The following DPYSL3 variants were observed in gnomAD, a reference collection of about 807,000 sequenced individuals.
The protein encoded by DPYSL3 is dihydropyrimidinase like 3.
DPYSL3 carries 16 observed loss-of-function variants against 66.1 expected under a neutral mutation model. The observed-to-expected ratio is 0.24, with a 90% CI of 0.16 to 0.37. The LOEUF (loss-of-function observed/expected upper bound fraction) is 0.37, where lower values mean the gene tolerates loss of function less well. DPYSL3 is among the 10% of genes least tolerant of loss of function. The pLI is 1.00. For synonymous variants in DPYSL3, 338 were observed against 345.1 expected (o/e 0.98, Z 0.23); for missense variants, 738 against 916.2 (o/e 0.81, Z 2.51).
chr5:147,441,203 A>C (rs1321520377), intron 1 of DPYSL3, among the ~76,000 whole-genome samples: 1 of 152,272 alleles, frequency 6.6e-6, no homozygotes, highest in East Asian at 1.9e-4. Flanking sequence ...GGGCTGCCAT[A>C]ACAAAGTACC....
At chr5:147,470,021 G>A (rs2126422018) in intron 1 of DPYSL3, among the ~76,000 whole-genome samples, 1 of 152,318 alleles carries the variant, frequency 6.6e-6, no homozygotes, top group African/African-American at 2.4e-5. Context: ...TTTTGTCTGA[G>A]ACGTCACTGC....
chr5:147,433,456 G>A (rs1752353094), intron 1 of DPYSL3, among the ~76,000 whole-genome samples: 1 of 152,120 alleles, frequency 6.6e-6, no homozygotes, highest in Non-Finnish European at 1.5e-5. Flanking sequence ...GTTCCTGCCT[G>A]GGAAGAAAAC....
At chr5:147,461,730 T>C (rs987805983) in intron 1 of DPYSL3, among the ~76,000 whole-genome samples, 2 of 152,196 alleles carry the variant, frequency 1.3e-5, no homozygotes, top group Non-Finnish European at 2.9e-5. Context: ...AGAGGCCAGG[T>C]ACTGAGTGGA....
At chr5:147,480,705 ATTAT>A (rs1270418851) in intron 1 of DPYSL3, among the ~76,000 whole-genome samples, 28 of 44,678 alleles carry the variant, frequency 6.3e-4, no homozygotes, top group Admixed American at 1.5e-3. Context: ...ATATATATAT[ATTAT>A]TATTATTATT....
chr5:147,490,054 T>C (rs1285048928), intron 1 of DPYSL3, among the ~76,000 whole-genome samples: 2 of 152,190 alleles, frequency 1.3e-5, no homozygotes, highest in African/African-American at 4.8e-5. Context: ...ATGGCTCTTA[T>C]GGCCCCTGCA....
At chr5:147,458,709 G>T (rs929488493) in intron 1 of DPYSL3, among the ~76,000 whole-genome samples, 1 of 152,122 alleles carries the variant, frequency 6.6e-6, no homozygotes, top group Non-Finnish European at 1.5e-5. Context: ...TGTTCCTCCA[G>T]CCACTTACAG....
Position 147,481,651 on chromosome 5 carries a change from G to A in DPYSL3, c.381+27827C>T, listed in dbSNP as rs545705702. Among the ~76,000 whole-genome samples, 10 of 152,274 alleles carry A rather than the reference G, an allele frequency of 6.6e-5. No homozygotes were observed. The East Asian group carries it at 1.7e-3, about 27-fold the overall frequency. On this transcript the variant is annotated intron_variant, in intron 1 of 13. Coordinates refer to ENST00000343218, the MANE Select transcript of DPYSL3 (RefSeq NM_001197294.2). ...GGTGGGGCCTCATGGGAGATGTTTA[G>A]GTCATGAGGGCTCCACCCTTATGCA...
intron 1 of DPYSL3, among the ~76,000 whole-genome samples, chr5:147,491,255 G>T (rs1175509093): frequency 6.6e-6 from 1 of 152,012 alleles, no homozygotes; most frequent in African/African-American, 2.4e-5. Context: ...AGGGTCACAG[G>T]CTCACCAAAA....
rs1758034544 is a variant in DPYSL3, at chr5:147,397,710, G to A, written c.1759C>T (p.Pro587Ser). The change falls in exon 12 of 14, where the codon CCG becomes TCG. Residue 587 changes from proline (P) to serine (S), a missense_variant. Pro to Ser is a moderately conservative substitution (Grantham distance 74, BLOSUM62 -1). Coordinates refer to ENST00000343218, the MANE Select transcript of DPYSL3 (RefSeq NM_001197294.2). ...CGCTTGTAGACATAGTCGGAGAACG[G>A]GCTGCAGGGTATGAAGCGGCCAGCC... ...QGAGRFIPCS[P>S]FSDYVYKRIK... 2 of 1,614,148 alleles carry A rather than the reference G, an allele frequency of 1.2e-6. No homozygotes were observed. The highest frequency in any genetic ancestry group is 1.7e-6 in the Non-Finnish European group (2 of 1,180,032).
intron 1 of DPYSL3, among the ~76,000 whole-genome samples, chr5:147,449,021 G>T (rs145671189): frequency 6.6e-6 from 1 of 152,148 alleles, no homozygotes; most frequent in Admixed American, 6.5e-5. Context: ...GAGAGAGCTG[G>T]TTTTCTGTGA....
chr5:147,426,958 C>A (rs1168759751), intron 1 of DPYSL3, among the ~76,000 whole-genome samples: 3 of 152,160 alleles, frequency 2.0e-5, no homozygotes, highest in Non-Finnish European at 4.4e-5. Flanking sequence ...AAAGGTCCAC[C>A]ACACATGATA....
intron 6 of DPYSL3, among the ~76,000 whole-genome samples, chr5:147,409,609 T>C (rs946924892): frequency 6.6e-6 from 1 of 152,242 alleles, no homozygotes; most frequent in South Asian, 2.1e-4. Flanking sequence ...AGCCTCTTTA[T>C]GGAAGAAGCA....
chr5:147,402,351 TTTC>T (rs1174975854), intron 8 of DPYSL3, among the ~76,000 whole-genome samples: 1 of 135,858 alleles, frequency 7.4e-6, no homozygotes, highest in East Asian at 1.9e-4. Flanking sequence ...CTTTTTTTTT[TTTC>T]TTTTTTTTTT....
chr5:147,419,073 G>A (rs1199236608), intron 2 of DPYSL3, among the ~76,000 whole-genome samples: 1 of 152,146 alleles, frequency 6.6e-6, no homozygotes, highest in Non-Finnish European at 1.5e-5. Context: ...TTAAAGAACA[G>A]GTATGGGAAC....
chr5:147,431,944 G>A (rs1449617542), intron 1 of DPYSL3, among the ~76,000 whole-genome samples: 1 of 152,098 alleles, frequency 6.6e-6, no homozygotes, highest in Non-Finnish European at 1.5e-5. Context: ...TAGGACCCTC[G>A]ATGACAAGCA....
At chr5:147,488,205 A>G (rs564194943) in intron 1 of DPYSL3, among the ~76,000 whole-genome samples, 7 of 152,234 alleles carry the variant, frequency 4.6e-5, no homozygotes, top group Non-Finnish European at 8.8e-5. Flanking sequence ...CCAGAAGGTG[A>G]ACACAGTAGC....
chr5:147,445,141 G>A (rs539438015), intron 1 of DPYSL3, among the ~76,000 whole-genome samples: 1 of 152,228 alleles, frequency 6.6e-6, no homozygotes, highest in South Asian at 2.1e-4. Context: ...TGTCTTTGTT[G>A]CAGGCAATAA....
chr5:147,439,160 C>G (rs1581195024), intron 1 of DPYSL3, among the ~76,000 whole-genome samples: 1 of 152,084 alleles, frequency 6.6e-6, no homozygotes, highest in Non-Finnish European at 1.5e-5. Flanking sequence ...CAATAGTGAA[C>G]AAAATAAAAT....
chr5:147,506,704 T>G (rs188958485), intron 1 of DPYSL3, among the ~76,000 whole-genome samples: 164 of 152,260 alleles, frequency 1.1e-3, no homozygotes, highest in African/African-American at 3.9e-3. Context: ...ATAACTAATA[T>G]GTACTGAATA....
Sources: gnomAD v4.1 joint callset for allele counts (sites outside exome capture counted in the v4.1 genomes callset) on GRCh38, gnomAD v4.1.1 for gene constraint, MANE v1.5 for transcripts, NCBI Gene and HGNC (gene_info 2026-07-23, HGNC 2026-07-21) for gene names.